MSRA: variants seen among roughly 807,000 people sequenced by gnomAD.
MSRA encodes the protein methionine sulfoxide reductase A, also known as mitochondrial peptide methionine sulfoxide reductase.
MSRA carries 54 observed loss-of-function variants against 31.3 expected under a neutral mutation model. The ratio of observed to expected loss-of-function variants is 1.73; its 90% confidence interval spans 1.39 to 2.17. MSRA has a LOEUF of 2.17. Among genes scored for constraint, MSRA ranks in the 30% most tolerant of loss-of-function variants. The pLI, the probability that MSRA is intolerant of heterozygous loss-of-function variation, is 0.00. For synonymous variants in MSRA, 169 were observed against 116.5 expected, an observed-to-expected ratio of 1.45 and a Z score of -2.90; for missense variants, 507 against 300.9, an observed-to-expected ratio of 1.69 and a Z score of -5.07.
chr8:10,426,405 A>G lies in MSRA; in HGVS notation c.544-1743A>G, dbSNP rs1585757788. Among the ~76,000 whole-genome samples, 5 of 152,374 alleles carry G rather than the reference A, an allele frequency of 3.3e-5. No individual in the cohort carries two copies. In the South Asian group the frequency reaches 8.3e-4, roughly 25 times the overall value. On this transcript the variant is annotated intron_variant, in intron 5 of 5. Transcript: ENST00000317173. ...TTCAGGATACCAAGAAGTTACTGAAATTGCCAAAAGTCATTGCTGATGGCA... is the reference window on the plus strand; with the variant it reads ...TTCAGGATACCAAGAAGTTACTGAAGTTGCCAAAAGTCATTGCTGATGGCA...
chr8:10,166,418 A>G (rs548419784), intron 1 of MSRA, among the ~76,000 whole-genome samples: 169 of 152,076 alleles, frequency 1.1e-3, no homozygotes, highest in African/African-American at 3.9e-3. Context: ...ATGTGTTTGC[A>G]TATGTCTGTG....
intron 1 of MSRA, among the ~76,000 whole-genome samples, chr8:10,067,030 C>G (rs1182383467): frequency 1.3e-5 from 2 of 152,106 alleles, no homozygotes; most frequent in East Asian, 1.9e-4. Context: ...TAACTAAAGT[C>G]TGTAGTTTAC....
chr8:10,366,696 G>C (rs913306163), intron 5 of MSRA, among the ~76,000 whole-genome samples: 8 of 152,192 alleles, frequency 5.3e-5, no homozygotes, highest in African/African-American at 9.6e-5. Flanking sequence ...CTTCGTTGCT[G>C]GGGACGTCTG....
At chr8:10,249,837 G>A (rs1436121562) in intron 3 of MSRA, among the ~76,000 whole-genome samples, 1 of 152,170 alleles carries the variant, frequency 6.6e-6, no homozygotes, top group Non-Finnish European at 1.5e-5. Context: ...TTTCCTACAA[G>A]CTCAGCATCT....
chr8:10,303,761 G>T (rs534466118), intron 4 of MSRA, among the ~76,000 whole-genome samples: 2 of 152,278 alleles, frequency 1.3e-5, no homozygotes, highest in South Asian at 2.1e-4. Context: ...AGGGTAGGGC[G>T]AGAGATCCTC....
intron 5 of MSRA, among the ~76,000 whole-genome samples, chr8:10,407,983 C>G (rs1291887493): frequency 6.6e-6 from 1 of 152,112 alleles, no homozygotes; most frequent in Non-Finnish European, 1.5e-5. Flanking sequence ...AAAGAAGAAC[C>G]AATAGGTATA....
intron 2 of MSRA, among the ~76,000 whole-genome samples, chr8:10,227,123 C>A (rs923377214): frequency 2.6e-5 from 4 of 152,146 alleles, no homozygotes; most frequent in Non-Finnish European, 5.9e-5. Flanking sequence ...CTGAGGAGAG[C>A]AGATAGTGAG....
chr8:10,333,475 A>G (rs796704206), intron 5 of MSRA, among the ~76,000 whole-genome samples: 14 of 152,176 alleles, frequency 9.2e-5, no homozygotes, highest in African/African-American at 3.1e-4. Context: ...GGCGGAGAAA[A>G]ACCACAGGGA....
chr8:10,262,838 C>T (rs1435501649), intron 3 of MSRA, among the ~76,000 whole-genome samples: 1 of 152,210 alleles, frequency 6.6e-6, no homozygotes, highest in African/African-American at 2.4e-5. Context: ...CGAATGTTGG[C>T]ACTCACACCT....
At chr8:10,179,921 C>T (rs1010642557) in intron 1 of MSRA, among the ~76,000 whole-genome samples, 2 of 152,190 alleles carry the variant, frequency 1.3e-5, no homozygotes, top group Admixed American at 1.3e-4. Flanking sequence ...AAAACTGTTT[C>T]CTCTACACTC....
chr8:10,092,897 C>G (rs1450051397), intron 1 of MSRA, among the ~76,000 whole-genome samples: 2 of 152,102 alleles, frequency 1.3e-5, no homozygotes, highest in Non-Finnish European at 2.9e-5. Flanking sequence ...TATTGGTTGT[C>G]TCTTCTTGAT....
intron 1 of MSRA, among the ~76,000 whole-genome samples, chr8:10,164,366 G>T (rs1804935724): frequency 6.6e-6 from 1 of 152,164 alleles, no homozygotes; most frequent in Non-Finnish European, 1.5e-5. Context: ...TATTTTGGCA[G>T]CAGATCCCTT....
intron 5 of MSRA, among the ~76,000 whole-genome samples, chr8:10,375,513 G>A (rs1483314358): frequency 1.3e-5 from 2 of 152,180 alleles, no homozygotes; most frequent in Admixed American, 1.3e-4. Flanking sequence ...AAGAACAGGG[G>A]TAGGGCTGGC....
chr8:10,058,899 C>T (rs1802547641), intron 1 of MSRA: 1 of 152,140 alleles, frequency 6.6e-6, no homozygotes, highest in Non-Finnish European at 1.5e-5. Flanking sequence ...AAGATTCAAA[C>T]CTTTAAACTT....
At chr8:10,279,156 G>A (rs1190454296) in intron 3 of MSRA, among the ~76,000 whole-genome samples, 1 of 152,160 alleles carries the variant, frequency 6.6e-6, no homozygotes, top group Non-Finnish European at 1.5e-5. Flanking sequence ...TGGAGCCTCT[G>A]TCTCTTCATT....
rs983460623 is a variant in MSRA, at chr8:10,261,135, A to C, written c.331+15912A>C. Among the ~76,000 whole-genome samples, 5 of 152,198 alleles carry C rather than the reference A, an allele frequency of 3.3e-5. 1 individual carries two copies. ...GGTTGCTGTAATAGTGTACCCAAAA[A>C]AAAACTATAGTCTGCTGTGATGGTA... is the stretch of plus-strand genomic sequence containing the variant. On this transcript the variant is annotated intron_variant, in intron 3 of 5. Coordinates refer to ENST00000317173, the MANE Select transcript of MSRA (RefSeq NM_012331.5).
At chr8:10,201,068 G>A (rs1029656788) in intron 1 of MSRA, among the ~76,000 whole-genome samples, 1 of 152,128 alleles carries the variant, frequency 6.6e-6, no homozygotes, top group African/African-American at 2.4e-5. Flanking sequence ...ACCTGGAGAA[G>A]GAGCCACAAA....
chr8:10,099,073 T>C (rs1021709756), intron 1 of MSRA, among the ~76,000 whole-genome samples: 10 of 152,126 alleles, frequency 6.6e-5, no homozygotes, highest in African/African-American at 2.2e-4. Context: ...GTTCACTTTC[T>C]ATATTCTAGT....
chr8:10,208,557 C>T (rs566136768), intron 2 of MSRA, among the ~76,000 whole-genome samples: 1 of 151,896 alleles, frequency 6.6e-6, no homozygotes, highest in African/African-American at 2.4e-5. Context: ...CTTTCTTTGC[C>T]TGCCTTCTTT....
Sources: gnomAD v4.1 joint callset for allele counts (sites outside exome capture counted in the v4.1 genomes callset) on GRCh38, gnomAD v4.1.1 for gene constraint, MANE v1.5 for transcripts, NCBI Gene and HGNC (gene_info 2026-07-23, HGNC 2026-07-21) for gene names.